PLEKHD1: variants seen among roughly 807,000 people sequenced by gnomAD.
PLEKHD1 encodes the protein pleckstrin homology domain-containing family D member 1.
In PLEKHD1, 51 loss-of-function variants were observed where a neutral mutation model predicts 69.2. That is an observed-to-expected ratio of 0.74 (90% CI 0.59 to 0.93). The LOEUF (loss-of-function observed/expected upper bound fraction) is 0.93. Ranked by LOEUF, PLEKHD1 falls within the 40% of genes least tolerant of loss-of-function variation. The pLI, the probability that PLEKHD1 is intolerant of heterozygous loss-of-function variation, is 0.00. For synonymous variants in PLEKHD1, 236 were observed against 244.7 expected (o/e 0.96, Z 0.33); for missense variants, 584 against 641.0 (o/e 0.91, Z 0.96).
At chr14:69,473,323 G>A in the PLEKHD1 span, among the ~76,000 whole-genome samples, 50,070 of 149,816 alleles carry the variant, frequency 0.33, 8,650 homozygotes, top group South Asian at 0.48. Flanking sequence ...CTCAGAATGT[G>A]TCCCTACCCC....
intron 6 of PLEKHD1, among the ~76,000 whole-genome samples, chr14:69,507,839 G>A (rs989940324): frequency 2.0e-5 from 3 of 152,146 alleles, no homozygotes; most frequent in Non-Finnish European, 4.4e-5. Context: ...CTCCTGAGTA[G>A]CTGGGACTAT....
chr14:69,524,920 G>A lies in PLEKHD1; in HGVS notation c.744+598G>A, dbSNP rs114084042. 6.5e-3 allele frequency among the ~76,000 whole-genome samples: 988 copies of A among 152,176 alleles called. 5 individuals are homozygous for A. The highest frequency in any genetic ancestry group is 0.022 in the African/African-American group (904 of 41,522). ...ACTCCCAACCCCTGCTCCAAACCGC[G>A]GAGCTCAGGTACTCCAAGGAAGCAA... On this transcript the variant is annotated intron_variant, in intron 8 of 12. Transcript: ENST00000322564.
intron 7 of PLEKHD1, among the ~76,000 whole-genome samples, 195 bp downstream of exon 7, chr14:69,522,572 C>T (rs1453404451): frequency 2.6e-5 from 4 of 152,102 alleles, no homozygotes; most frequent in Non-Finnish European, 5.9e-5. Context: ...GTAGACTCCC[C>T]TGACCCAGAT....
At chr14:69,500,311 C>T in intron 2 of PLEKHD1, 103 bp downstream of exon 2, 16 of 1,028,066 alleles carry the variant, frequency 1.6e-5, no homozygotes, top group Non-Finnish European at 2.3e-5. Flanking sequence ...TCTGGCCTAG[C>T]AGAGAGTCTG....
rs1883772649 is a variant in PLEKHD1, at chr14:69,530,737, T to C, written c.*2318T>C. 6.6e-6 allele frequency: 1 copy of C among 152,212 alleles called. No homozygotes were observed. The highest frequency in any genetic ancestry group is 6.5e-5 in the Admixed American group (1 of 15,276). 9.4% of individuals were successfully genotyped at this position (152,212 alleles called of 1,614,324 possible). ...CTGGCATCTGGCAAGGACCTTCTTG[T>C]TGCATCATCCCATGGTTGACAGGCA... On this transcript the variant is annotated 3_prime_UTR_variant, in exon 13 of 13. Transcript: ENST00000322564.
At chr14:69,475,356 A>T in the PLEKHD1 span, among the ~76,000 whole-genome samples, 1 of 152,046 alleles carries the variant, frequency 6.6e-6, no homozygotes, top group East Asian at 1.9e-4. Context: ...GAATACCTTC[A>T]GGGTGTCTGC....
upstream of PLEKHD1, among the ~76,000 whole-genome samples, chr14:69,483,394 G>A (rs982500596): frequency 5.9e-5 from 9 of 152,024 alleles, no homozygotes; most frequent in African/African-American, 2.2e-4. Context: ...GGGCCTGTGG[G>A]GATGCGCCTT....
intron 1 of PLEKHD1, among the ~76,000 whole-genome samples, chr14:69,497,058 C>G (rs953245508): frequency 6.6e-6 from 1 of 152,146 alleles, no homozygotes; most frequent in Admixed American, 6.5e-5. Flanking sequence ...GCCCTGGAGA[C>G]AGTCGTGTGC....
chr14:69,494,658 G>A (rs190828885), intron 1 of PLEKHD1, among the ~76,000 whole-genome samples: 24 of 152,342 alleles, frequency 1.6e-4, no homozygotes, highest in Non-Finnish European at 3.1e-4. Flanking sequence ...CCCTTGGGCC[G>A]TCTCTAGCCA....
At chr14:69,486,031 C>T (rs1256189971) in intron 1 of PLEKHD1, among the ~76,000 whole-genome samples, 1 of 152,216 alleles carries the variant, frequency 6.6e-6, no homozygotes, top group Non-Finnish European at 1.5e-5. Flanking sequence ...TGGACAGTTT[C>T]CACTCTCCAG....
In PLEKHD1 at chr14:69,526,010, C is replaced by G; in HGVS notation, c.811C>G (p.Leu271Val). 1 of 1,551,712 alleles carries G rather than the reference C, an allele frequency of 6.4e-7. No individual in the cohort carries two copies. Among genetic ancestry groups the G allele is most frequent in the Non-Finnish European group, 8.7e-7 (1 of 1,146,992 alleles). ...LEENENHLQT[L>V]ANQSEQPPPS... is the part of the protein sequence containing the mutation. ...GGAGAACGAGAACCACCTGCAGACA[C>G]TGGCCAATCAGAGTGAGCAGCCCCC... Residue 271 changes from leucine to valine, a missense_variant, in exon 9 of 13, where the codon CTG (leucine) becomes GTG (valine). Physicochemically the swap from Leu to Val is conservative, Grantham distance 32. Coordinates refer to ENST00000322564, the MANE Select transcript of PLEKHD1 (RefSeq NM_001161498.2).
upstream of PLEKHD1, among the ~76,000 whole-genome samples, chr14:69,481,171 A>T (rs1279475402): frequency 1.3e-5 from 2 of 152,162 alleles, no homozygotes; most frequent in African/African-American, 4.8e-5. Flanking sequence ...AAATAAATAA[A>T]AAATAGCAGG....
intron 6 of PLEKHD1, among the ~76,000 whole-genome samples, chr14:69,510,965 A>G (rs1217668561): frequency 6.6e-6 from 1 of 152,158 alleles, no homozygotes; most frequent in African/African-American, 2.4e-5. Context: ...TTCATCATCA[A>G]TTGGTGTTGG....
upstream of PLEKHD1, among the ~76,000 whole-genome samples, chr14:69,481,605 A>G (rs1473357880): frequency 6.6e-6 from 1 of 152,252 alleles, no homozygotes; most frequent in African/African-American, 2.4e-5. Flanking sequence ...ACACATATTT[A>G]GGACCTATAT....
chr14:69,527,382 G>A (rs1332911485), intron 11 of PLEKHD1, 50 bp downstream of exon 11: 1 of 1,549,416 alleles, frequency 6.5e-7, no homozygotes. Context: ...CTCAGCCCCA[G>A]ATGGGATCCC....
At chr14:69,498,662 T>TC (rs1566557403) in intron 1 of PLEKHD1, among the ~76,000 whole-genome samples, 1,371 of 135,218 alleles carry the variant, frequency 0.01, 29 homozygotes, top group African/African-American at 0.024. Context: ...TCTTCTCTTC[T>TC]TTGAGATGGA....
chr14:69,528,130 G>A, intron 12 of PLEKHD1, 120 bp from the exon 13 acceptor site: 1 of 1,416,106 alleles, frequency 7.1e-7, no homozygotes, highest in Non-Finnish European at 9.5e-7. Context: ...TGTGTGGGAA[G>A]GGGCTGGAAG....
At chr14:69,513,023 C>T (rs920533176) in intron 6 of PLEKHD1, among the ~76,000 whole-genome samples, 3 of 151,790 alleles carry the variant, frequency 2.0e-5, no homozygotes, top group African/African-American at 7.3e-5. Flanking sequence ...CCAGGAGTTA[C>T]AATGAGCTAT....
At chr14:69,505,900 C>T (rs1476471416) in intron 6 of PLEKHD1, among the ~76,000 whole-genome samples, 3 of 152,152 alleles carry the variant, frequency 2.0e-5, no homozygotes, top group Non-Finnish European at 2.9e-5. Context: ...TGGCCTTATC[C>T]CTCTCACCCC....
Sources: gnomAD v4.1 joint callset for allele counts (sites outside exome capture counted in the v4.1 genomes callset) on GRCh38, gnomAD v4.1.1 for gene constraint, MANE v1.5 for transcripts, NCBI Gene and HGNC (gene_info 2026-07-23, HGNC 2026-07-21) for gene names.